AGPAT3: variants seen among roughly 807,000 people sequenced by gnomAD.
AGPAT3 encodes 1-acylglycerol-3-phosphate O-acyltransferase 3.
AGPAT3 carries 5 observed loss-of-function variants against 47.3 expected under a neutral mutation model. That is an observed-to-expected ratio of 0.11 (90% CI 0.06 to 0.22). The LOEUF (loss-of-function observed/expected upper bound fraction) is 0.22. Among genes scored for constraint, AGPAT3 ranks in the 10% least tolerant of loss-of-function variants. AGPAT3 has a pLI of 1.00. For synonymous variants in AGPAT3, 212 were observed against 208.3 expected (o/e 1.02, Z -0.15); for missense variants, 315 against 493.0 (o/e 0.64, Z 3.42).
intron 2 of AGPAT3, among the ~76,000 whole-genome samples, chr21:43,921,800 T>C (rs903748450): frequency 6.6e-6 from 1 of 152,110 alleles, no homozygotes; most frequent in African/African-American, 2.4e-5. Context: ...CTCTTTTTTT[T>C]TTCCCCCAGG....
chr21:43,914,967 T>C (rs551043111), intron 2 of AGPAT3, among the ~76,000 whole-genome samples: 2 of 152,392 alleles, frequency 1.3e-5, no homozygotes, highest in East Asian at 1.9e-4. Flanking sequence ...TAGTAAATTA[T>C]CCATTTTATC....
intron 1 of AGPAT3, among the ~76,000 whole-genome samples, chr21:43,889,027 T>C (rs1476950081): frequency 6.6e-6 from 1 of 152,196 alleles, no homozygotes; most frequent in African/African-American, 2.4e-5. Flanking sequence ...TTAAAAATCT[T>C]ATCTGTACAT....
At chr21:43,896,252 C>G (rs573793889) in intron 1 of AGPAT3, among the ~76,000 whole-genome samples, 1 of 152,314 alleles carries the variant, frequency 6.6e-6, no homozygotes, top group African/African-American at 2.4e-5. Flanking sequence ...TTGCAGATAA[C>G]TTTTTGTTAC....
At chr21:43,935,561 G>A (rs2087416977) in intron 2 of AGPAT3, among the ~76,000 whole-genome samples, 1 of 152,232 alleles carries the variant, frequency 6.6e-6, no homozygotes, top group South Asian at 2.1e-4. Context: ...GGGCATCGGC[G>A]CTGCTGCGGA....
At chr21:43,895,032 T>G (rs150933925) in intron 1 of AGPAT3, among the ~76,000 whole-genome samples, 1 of 152,128 alleles carries the variant, frequency 6.6e-6, no homozygotes, top group Non-Finnish European at 1.5e-5. Flanking sequence ...TTTTGTTACT[T>G]CTTCTAAATT....
At chr21:43,926,271 G>C (rs1045044315) in intron 2 of AGPAT3, among the ~76,000 whole-genome samples, 1 of 152,212 alleles carries the variant, frequency 6.6e-6, no homozygotes, top group Admixed American at 6.5e-5. Context: ...GTGAAATCTG[G>C]AGTGTTCTTG....
intron 2 of AGPAT3, among the ~76,000 whole-genome samples, chr21:43,943,362 C>T (rs1336433766): frequency 1.3e-5 from 2 of 152,336 alleles, no homozygotes; most frequent in East Asian, 3.9e-4. Context: ...GCGTGAGCCA[C>T]TGCGCCCACC....
In AGPAT3 at chr21:43,970,824, C is replaced by T. The variant is rs779535937; in HGVS notation, c.664+18C>T. 33 of 1,508,870 alleles carry T rather than the reference C, an allele frequency of 2.2e-5. No individual in the cohort carries two copies. Among genetic ancestry groups the T allele is most frequent in the Middle Eastern group, 1.8e-4 (1 of 5,422 alleles). The allele number at this position is 1,508,870 out of a possible 1,614,324, so 93.5% of individuals were successfully genotyped here. On this transcript the variant is annotated intron_variant, in intron 6 of 9. Transcript: ENST00000291572. This position sits in a 1 kb window ranked among gnomAD's most constrained non-coding sequence, Gnocchi z 5.8. ...GGGGACAGGTAGGCCCCAGACTGCCCGAGCCGGGGCCACCGCTATGCTCAC... is the reference window on the plus strand; with the variant it reads ...GGGGACAGGTAGGCCCCAGACTGCCTGAGCCGGGGCCACCGCTATGCTCAC...
At chr21:43,885,253 A>G (rs1374000331) in intron 1 of AGPAT3, among the ~76,000 whole-genome samples, 1 of 152,248 alleles carries the variant, frequency 6.6e-6, no homozygotes, top group African/African-American at 2.4e-5. Context: ...TTCCCTGCAC[A>G]GCTGCTTTTG....
In AGPAT3 at chr21:43,987,534, A is replaced by G. The variant is rs749049563; in HGVS notation, c.*5142A>G. On this transcript the variant is annotated 3_prime_UTR_variant, in exon 10 of 10. Coordinates refer to ENST00000291572, the MANE Select transcript of AGPAT3 (RefSeq NM_020132.5). The stretch of plus-strand genomic sequence containing the variant: ...AAACATTCATCTGTGGAGAAAACCA[A>G]GGAACCCCTTTCTCTTCTTTATTAA... Among the ~76,000 whole-genome samples the G allele has an allele frequency of 6.6e-5, 10 of 152,236 alleles. No homozygotes were observed. The highest frequency in any genetic ancestry group is 2.6e-4 in the Admixed American group (4 of 15,282).
At position 43,954,097 on chromosome 21, in the gene AGPAT3, C is replaced by T. The variant is rs1056527093; in HGVS notation, c.-48-5537C>T. ...CCTAAAAATCGCTCTCATGGGCTCACGAGCAAATGCTCTAGGGGGCCACTG... is the reference window on the plus strand; with the variant it reads ...CCTAAAAATCGCTCTCATGGGCTCATGAGCAAATGCTCTAGGGGGCCACTG... On this transcript the variant is annotated intron_variant, in intron 2 of 9. Coordinates refer to ENST00000291572, the MANE Select transcript of AGPAT3 (RefSeq NM_020132.5). The surrounding 1 kb of genome is among the most constrained non-coding windows in gnomAD (Gnocchi z 4.0). 9.2e-5 allele frequency among the ~76,000 whole-genome samples: 14 copies of T among 152,402 alleles called. No individual in the cohort carries two copies. The highest frequency in any genetic ancestry group is 6.2e-4 in the South Asian group (3 of 4,828).
At chr21:43,909,022 G>A (rs1041382977) in intron 2 of AGPAT3, among the ~76,000 whole-genome samples, 3 of 152,178 alleles carry the variant, frequency 2.0e-5, no homozygotes, top group African/African-American at 7.2e-5. Flanking sequence ...AGAGCAGGCG[G>A]GCCTCACCTG....
chr21:43,945,563 C>T (rs201541906), intron 2 of AGPAT3, among the ~76,000 whole-genome samples: 5 of 152,186 alleles, frequency 3.3e-5, no homozygotes, highest in East Asian at 3.9e-4. Flanking sequence ...CAGGACAGGT[C>T]CAGCCTTTCT....
At chr21:43,961,770 G>A (rs2088876467) in intron 3 of AGPAT3, among the ~76,000 whole-genome samples, 1 of 151,792 alleles carries the variant, frequency 6.6e-6, no homozygotes, top group African/African-American at 2.4e-5. Flanking sequence ...TCTCATGTAG[G>A]AAATGGTGAG....
In AGPAT3 at chr21:43,880,203, T is replaced by G. The variant is rs1428449376; in HGVS notation, c.-112+14858T>G. Among the ~76,000 whole-genome samples the G allele has an allele frequency of 6.6e-6, 1 of 152,210 alleles. No individual in the cohort carries two copies. Among genetic ancestry groups the G allele is most frequent in the African/African-American group, 2.4e-5 (1 of 41,452 alleles). On this transcript the variant is annotated intron_variant, in intron 1 of 9. Coordinates refer to ENST00000291572, the MANE Select transcript of AGPAT3 (RefSeq NM_020132.5). The surrounding 1 kb of genome is among the most constrained non-coding windows in gnomAD (Gnocchi z 4.5). ...GCCTCCCAGGCTGGTGCTGTGTTCC[T>G]GGACCAGCGTCCGATTTCCCTGCTG...
chr21:43,967,736 G>T, intron 3 of AGPAT3: 1 of 554,812 alleles, frequency 1.8e-6, no homozygotes, highest in South Asian at 2.4e-5. Context: ...CTCCCTTTCT[G>T]CTGCTACCTT....
chr21:43,960,632 T>C (rs1263124857), intron 3 of AGPAT3: 2 of 407,610 alleles, frequency 4.9e-6, no homozygotes, highest in Non-Finnish European at 6.6e-6. Flanking sequence ...ATTTTTATAG[T>C]AGCACAAAAC....
In AGPAT3 at chr21:43,967,936, C is replaced by G. The variant is rs1555911562; in HGVS notation, c.179-10C>G. 6.2e-7 allele frequency: 1 copy of G among 1,612,594 alleles called. No individual in the cohort carries two copies. The highest frequency in any genetic ancestry group is 8.5e-7 in the Non-Finnish European group (1 of 1,178,914). On this transcript the variant is annotated splice_polypyrimidine_tract_variant and intron_variant, in intron 3 of 9. Transcript: ENST00000291572. ...TCCTACCAGTGCCAACGCCCTCCCC[C>G]TGTCCGCAGAACTGGTCATGCTGCT...
At chr21:43,961,673 C>T (rs180743792) in intron 3 of AGPAT3, among the ~76,000 whole-genome samples, 12 of 149,708 alleles carry the variant, frequency 8.0e-5, no homozygotes, top group Admixed American at 3.3e-4. Context: ...AAATGGTGAG[C>T]GCATAGATAC....
Sources: gnomAD v4.1 joint callset for allele counts (sites outside exome capture counted in the v4.1 genomes callset) on GRCh38, gnomAD v4.1.1 for gene constraint, Gnocchi (gnomAD v3.1) non-coding constraint, MANE v1.5 for transcripts, NCBI Gene and HGNC (gene_info 2026-07-23, HGNC 2026-07-21) for gene names.